Variants in HIVEP3 observed in about 807,000 individuals in gnomAD.
The protein encoded by HIVEP3 is HIVEP zinc finger 3, also known as transcription factor HIVEP3.
HIVEP3 carries 49 observed loss-of-function variants against 152.8 expected under a neutral mutation model. The ratio of observed to expected loss-of-function variants is 0.32; its 90% CI spans 0.26 to 0.41. HIVEP3 has a LOEUF of 0.41. HIVEP3 is among the 10% of genes least tolerant of loss of function. HIVEP3 has a pLI of 1.00. For missense variants in HIVEP3, 2,790 were observed against 3,103.3 expected (o/e 0.90, Z 2.40); for synonymous variants, 1,269 against 1,289.0 (o/e 0.98, Z 0.33).
intron 1 of HIVEP3, among the ~76,000 whole-genome samples, chr1:41,974,486 T>TACACACACACAC (rs66882363): frequency 0.022 from 2,911 of 134,190 alleles, 76 homozygotes; most frequent in African/African-American, 0.049. Flanking sequence ...CTCCACCCCC[T>TACACACACACAC]ACACACACAC....
chr1:41,581,114 G>T lies in HIVEP3; in HGVS notation c.3684C>A (p.Tyr1228Ter). 6.4e-7 allele frequency: 1 copy of T among 1,557,094 alleles called. No individual in the cohort carries two copies. The highest frequency in any genetic ancestry group is 8.7e-7 in the Non-Finnish European group (1 of 1,151,180). ...RQPPSFLPMP[Y>*]PTSSALSSGF... ...CAGAAGACAGTGCTGAGGAGGTCGG[G>T]TATGGCATGGGGAGGAAGGAAGGGG... Residue 1228 changes from tyrosine (Y) to a stop codon, truncating the protein, a stop_gained, in exon 4 of 9, where the codon TAC becomes TAA. Coordinates refer to ENST00000372583, the MANE Select transcript of HIVEP3 (RefSeq NM_024503.5). LOFTEE classifies it high-confidence loss of function. The surrounding 1 kb of genome is among the most constrained non-coding windows in gnomAD (Gnocchi z 4.5).
intron 2 of HIVEP3, among the ~76,000 whole-genome samples, chr1:41,687,503 G>A (rs1002319475): frequency 5.9e-5 from 9 of 152,244 alleles, no homozygotes; most frequent in African/African-American, 1.7e-4. Context: ...GAGGGACCTC[G>A]CAGAGAGGCT....
chr1:41,927,771 C>T (rs147213294), intron 1 of HIVEP3, among the ~76,000 whole-genome samples: 3,596 of 152,130 alleles, frequency 0.024, 71 homozygotes, highest in Non-Finnish European at 0.026. Context: ...CTTTTAAAAA[C>T]GGCTTGTAGG....
intron 2 of HIVEP3, among the ~76,000 whole-genome samples, chr1:41,697,867 G>A (rs1362027709): frequency 6.6e-6 from 1 of 152,186 alleles, no homozygotes; most frequent in Admixed American, 6.5e-5. Flanking sequence ...TATCAACCCT[G>A]TAGGTGCCTC....
intron 1 of HIVEP3, among the ~76,000 whole-genome samples, chr1:41,901,982 A>G (rs1371862458): frequency 6.6e-6 from 1 of 152,190 alleles, no homozygotes; most frequent in Non-Finnish European, 1.5e-5. Flanking sequence ...CAGGGATTCA[A>G]TACCTGTTGG....
At chr1:41,629,839 A>G (rs1319310554) in intron 2 of HIVEP3, among the ~76,000 whole-genome samples, 4 of 152,262 alleles carry the variant, frequency 2.6e-5, no homozygotes, top group Non-Finnish European at 5.9e-5. Flanking sequence ...AATGTAAGGT[A>G]GCTCAGCCAC....
intron 1 of HIVEP3, among the ~76,000 whole-genome samples, chr1:41,874,809 C>T (rs1347579228): frequency 1.3e-5 from 2 of 152,162 alleles, no homozygotes; most frequent in South Asian, 2.1e-4. Flanking sequence ...TCTCCAAGTG[C>T]CAGTCCCTGA....
At chr1:41,523,770 C>T (rs578115879) in intron 6 of HIVEP3, among the ~76,000 whole-genome samples, 19 of 152,306 alleles carry the variant, frequency 1.2e-4, no homozygotes, top group African/African-American at 4.6e-4. Context: ...AACCGTGGGG[C>T]TCCCAGAAGC....
intron 3 of HIVEP3, among the ~76,000 whole-genome samples, chr1:41,604,935 C>T (rs956078890): frequency 5.9e-5 from 9 of 151,568 alleles, no homozygotes; most frequent in Non-Finnish European, 1.5e-5. Flanking sequence ...GAGACCTCAT[C>T]TCTACAAAAA....
chr1:41,730,488 A>T (rs1454635684), intron 1 of HIVEP3, among the ~76,000 whole-genome samples: 2 of 152,164 alleles, frequency 1.3e-5, no homozygotes, highest in African/African-American at 4.8e-5. Flanking sequence ...CCAGCTCCCC[A>T]TCAGCACTCA....
In HIVEP3 at chr1:41,583,172, T is replaced by C. The variant is rs1232205145; in HGVS notation, c.1626A>G (p.Ser542=). 6.2e-7 allele frequency: 1 copy of C among 1,608,636 alleles called. No homozygotes were observed. The highest frequency in any genetic ancestry group is 1.7e-4 in the Middle Eastern group (1 of 6,044). The change falls in exon 4 of 9, where the codon TCA becomes TCG. Residue 542 remains serine, a synonymous_variant. Coordinates refer to ENST00000372583, the MANE Select transcript of HIVEP3 (RefSeq NM_024503.5). The surrounding 1 kb of genome is among the most constrained non-coding windows in gnomAD (Gnocchi z 6.9). Reference sequence around the variant, plus strand: ...TGATAGTGCAGGCGGCAGAAGGCATTGAGTGGCTTCTCAGGAGAGGCACAG... The same window carrying C: ...TGATAGTGCAGGCGGCAGAAGGCATCGAGTGGCTTCTCAGGAGAGGCACAG... ...APPVPLLRSH[S]MPSAACTIST...
chr1:41,986,123 T>C (rs990473876), intron 1 of HIVEP3, among the ~76,000 whole-genome samples: 2 of 152,278 alleles, frequency 1.3e-5, no homozygotes, highest in Admixed American at 6.5e-5. Context: ...TCCTCATCTT[T>C]AAAATCAAGG....
intron 1 of HIVEP3, among the ~76,000 whole-genome samples, chr1:41,810,818 T>G (rs1040010306): frequency 6.6e-6 from 1 of 152,236 alleles, no homozygotes; most frequent in African/African-American, 2.4e-5. Flanking sequence ...TTTTCTAACT[T>G]TTCACCTCCA....
chr1:41,894,425 C>A (rs749325860), intron 1 of HIVEP3, among the ~76,000 whole-genome samples: 1 of 152,224 alleles, frequency 6.6e-6, no homozygotes, highest in Non-Finnish European at 1.5e-5. Flanking sequence ...TTATTATCTA[C>A]CTTAGTCTCT....
chr1:41,801,179 G>A (rs926252747), intron 1 of HIVEP3, among the ~76,000 whole-genome samples: 1 of 152,156 alleles, frequency 6.6e-6, no homozygotes, highest in Admixed American at 6.5e-5. Flanking sequence ...TGCTGAGCCT[G>A]GAAGGAAGAG....
intron 1 of HIVEP3, among the ~76,000 whole-genome samples, chr1:41,727,352 C>T (rs955326663): frequency 6.6e-6 from 1 of 152,194 alleles, no homozygotes; most frequent in Non-Finnish European, 1.5e-5. Context: ...AGCCGGGAGG[C>T]AGCCCCTTCC....
chr1:41,785,327 G>A (rs945856426), intron 1 of HIVEP3, among the ~76,000 whole-genome samples: 1 of 152,196 alleles, frequency 6.6e-6, no homozygotes, highest in South Asian at 2.1e-4. Context: ...AAAACCAACT[G>A]AGTAGGCAGA....
intron 3 of HIVEP3, among the ~76,000 whole-genome samples, chr1:41,593,826 C>G (rs766110803): frequency 6.6e-6 from 1 of 152,188 alleles, no homozygotes; most frequent in African/African-American, 2.4e-5. Flanking sequence ...AGGTCTCACT[C>G]GGCTAAAAGC....
chr1:42,019,445 A>T (rs1645541614), intron 1 of HIVEP3, among the ~76,000 whole-genome samples: 1 of 151,986 alleles, frequency 6.6e-6, no homozygotes, highest in African/African-American at 2.4e-5. Context: ...CAATGTAGAA[A>T]TCTTACATCT....
Sources: gnomAD v4.1 joint callset for allele counts (sites outside exome capture counted in the v4.1 genomes callset) on GRCh38, gnomAD v4.1.1 for gene constraint, Gnocchi (gnomAD v3.1) non-coding constraint, MANE v1.5 for transcripts, NCBI Gene and HGNC (gene_info 2026-07-23, HGNC 2026-07-21) for gene names.